The following SLC28A3 variants were observed in gnomAD, a reference collection of about 807,000 sequenced individuals.
SLC28A3 encodes solute carrier family 28 member 3.
Under a neutral mutation model 84.2 loss-of-function variants are expected in SLC28A3, and 68 were observed. The observed-to-expected ratio is 0.81, with a 90% CI of 0.66 to 0.99. The LOEUF is 0.99. Ranked by LOEUF, SLC28A3 falls within the 50% of genes least tolerant of loss-of-function variation. The pLI, the probability that SLC28A3 is intolerant of heterozygous loss-of-function variation, is 0.00. For missense variants in SLC28A3, 712 were observed against 841.5 expected (o/e 0.85, Z 1.90); for synonymous variants, 267 against 303.6 (o/e 0.88, Z 1.25).
At chr9:84,364,631 T>C in the SLC28A3 span, among the ~76,000 whole-genome samples, 4 of 152,128 alleles carry the variant, frequency 2.6e-5, no homozygotes, top group African/African-American at 9.7e-5. Context: ...TTTGTTTTTT[T>C]TGTACCCATT....
the SLC28A3 span, among the ~76,000 whole-genome samples, chr9:84,359,932 T>C: frequency 7.3e-6 from 1 of 136,346 alleles, no homozygotes; most frequent in African/African-American, 2.8e-5. Flanking sequence ...GCCAGGAGAG[T>C]GGAGGTTTGC....
the SLC28A3 span, among the ~76,000 whole-genome samples, chr9:84,357,906 T>C: frequency 6.6e-6 from 1 of 152,152 alleles, no homozygotes; most frequent in Non-Finnish European, 1.5e-5. Context: ...CAGGTCTAGA[T>C]GCAGGGGTCT....
At chr9:84,280,185 T>TTTTC in intron 15 of SLC28A3, 112 bp from the exon 16 acceptor site, 1 of 894,704 alleles carries the variant, frequency 1.1e-6, no homozygotes, top group East Asian at 2.7e-5. Context: ...TTTTTTTTTT[T>TTTTC]TTTCTTTAAC....
At chr9:84,353,778 A>G in the SLC28A3 span, among the ~76,000 whole-genome samples, 1 of 152,170 alleles carries the variant, frequency 6.6e-6, no homozygotes, top group Admixed American at 6.5e-5. Flanking sequence ...ACAATCACAA[A>G]TACACCAAAC....
chr9:84,299,573 A>G lies in SLC28A3; in HGVS notation c.669+8T>C, dbSNP rs371121142. 4.3e-5 allele frequency: 70 copies of G among 1,613,610 alleles called. No individual in the cohort carries two copies. The highest frequency in any genetic ancestry group is 5.8e-5 in the Non-Finnish European group (69 of 1,179,914). On this transcript the variant is annotated splice_region_variant and intron_variant, in intron 6 of 17. Coordinates refer to ENST00000376238, the MANE Select transcript of SLC28A3 (RefSeq NM_001199633.2). ...AAAAAGAACCTAAAAGATCAACTGG[A>G]TACTTACTCTGGTTGGGTACTTGGA...
At position 84,295,411 on chromosome 9, in the gene SLC28A3, C is replaced by T. The variant is rs140506034; in HGVS notation, c.862-1136G>A. ...ACCAGCCTGGCCAACATGGCGAAAC[C>T]CTGTCTCTACTAAAAATACAAAAAT... On this transcript the variant is annotated intron_variant, in intron 8 of 17. Transcript: ENST00000376238. 3.8e-3 allele frequency among the ~76,000 whole-genome samples: 580 copies of T among 152,072 alleles called. 10 individuals are homozygous for T. In the East Asian group the frequency reaches 0.047, roughly 12 times the overall value.
Position 84,295,140 on chromosome 9 carries a change from C to T in SLC28A3, c.862-865G>A, listed in dbSNP as rs74894461. Among the ~76,000 whole-genome samples, 4 of 152,214 alleles carry T rather than the reference C, an allele frequency of 2.6e-5. No individual in the cohort carries two copies. In the East Asian group the frequency reaches 5.8e-4, roughly 22 times the overall value. On this transcript the variant is annotated intron_variant, in intron 8 of 17. Coordinates refer to ENST00000376238, the MANE Select transcript of SLC28A3 (RefSeq NM_001199633.2). Reference sequence around the variant, plus strand: ...TTGGCCGCTCAAACATGGTGCCCCCCCTACTGAAGTCAATAGGGGTCTGTC... The same window carrying T: ...TTGGCCGCTCAAACATGGTGCCCCCTCTACTGAAGTCAATAGGGGTCTGTC...
At chr9:84,279,900 G>A (rs886753198) in intron 16 of SLC28A3, 75 bp downstream of exon 16, 4 of 1,420,912 alleles carry the variant, frequency 2.8e-6, no homozygotes, top group Non-Finnish European at 3.9e-6. Flanking sequence ...GCACATGCAA[G>A]CTGGAGGCAC....
chr9:84,279,569 G>C (rs1246572640), intron 16 of SLC28A3, among the ~76,000 whole-genome samples, 184 bp from the exon 17 acceptor site: 1 of 152,182 alleles, frequency 6.6e-6, no homozygotes, highest in African/African-American at 2.4e-5. Flanking sequence ...AGCCTCCCAA[G>C]TAGCTGGGAT....
chr9:84,359,176 A>C, the SLC28A3 span, among the ~76,000 whole-genome samples: 3,179 of 152,108 alleles, frequency 0.021, 79 homozygotes, highest in African/African-American at 0.058. Context: ...TTGCTCCAAG[A>C]TTTACTCTTC....
At chr9:84,287,236 G>A (rs1242609162) in intron 12 of SLC28A3, among the ~76,000 whole-genome samples, 1 of 152,154 alleles carries the variant, frequency 6.6e-6, no homozygotes, top group Non-Finnish European at 1.5e-5. Flanking sequence ...GAATTACGCT[G>A]TATTCTTTGG....
At chr9:84,282,845 G>A (rs1824811258) in intron 14 of SLC28A3, among the ~76,000 whole-genome samples, 2 of 152,192 alleles carry the variant, frequency 1.3e-5, no homozygotes, top group Non-Finnish European at 1.5e-5. Flanking sequence ...AAGTGGCCAT[G>A]GTAAGATTTT....
intron 1 of SLC28A3, among the ~76,000 whole-genome samples, chr9:84,339,758 T>G (rs1465346704): frequency 2.0e-5 from 3 of 152,158 alleles, no homozygotes; most frequent in African/African-American, 7.2e-5. Context: ...ATGATCAAAC[T>G]TGGGCTCTGG....
At chr9:84,287,041 A>G (rs1329521264) in intron 12 of SLC28A3, among the ~76,000 whole-genome samples, 1 of 152,066 alleles carries the variant, frequency 6.6e-6, no homozygotes, top group Non-Finnish European at 1.5e-5. Context: ...CTGTCGCTAC[A>G]AAAAGTACAA....
chr9:84,303,878 A>G (rs1000112307), intron 4 of SLC28A3, among the ~76,000 whole-genome samples: 2 of 152,158 alleles, frequency 1.3e-5, no homozygotes, highest in Non-Finnish European at 2.9e-5. Flanking sequence ...CCTTTCATAA[A>G]TATTCATGAC....
chr9:84,323,686 G>A (rs1022402328), intron 1 of SLC28A3, among the ~76,000 whole-genome samples: 1 of 152,018 alleles, frequency 6.6e-6, no homozygotes, highest in Admixed American at 6.6e-5. Context: ...GCCTCCCAAA[G>A]TGCTGGGATT....
chr9:84,358,094 A>C, the SLC28A3 span, among the ~76,000 whole-genome samples: 1 of 152,204 alleles, frequency 6.6e-6, no homozygotes, highest in African/African-American at 2.4e-5. Flanking sequence ...CCTAGATCTA[A>C]ATGCACTTCA....
At chr9:84,359,439 A>G in the SLC28A3 span, among the ~76,000 whole-genome samples, 1 of 152,226 alleles carries the variant, frequency 6.6e-6, no homozygotes, top group Admixed American at 6.5e-5. Context: ...GAATTGTGGT[A>G]TATTCATACC....
intron 8 of SLC28A3, among the ~76,000 whole-genome samples, chr9:84,295,800 C>T (rs924835071): frequency 4.1e-4 from 62 of 152,098 alleles, no homozygotes; most frequent in African/African-American, 1.5e-3. Context: ...GGCTAACTGG[C>T]CAGAGAAAGC....
Sources: gnomAD v4.1 joint callset for allele counts (sites outside exome capture counted in the v4.1 genomes callset) on GRCh38, gnomAD v4.1.1 for gene constraint, MANE v1.5 for transcripts, NCBI Gene and HGNC (gene_info 2026-07-23, HGNC 2026-07-21) for gene names.